The following ABCA9 variants were observed in gnomAD, a reference collection of about 807,000 sequenced individuals.
The protein encoded by ABCA9 is ATP-binding cassette sub-family A member 9.
ABCA9 carries 183 observed loss-of-function variants against 205.3 expected under a neutral mutation model. The observed-to-expected ratio is 0.89, with a 90% CI of 0.79 to 1.01. The LOEUF (loss-of-function observed/expected upper bound fraction) is 1.01. ABCA9 is among the 50% of genes least tolerant of loss of function. The probability of loss-of-function intolerance (pLI) is 0.00; values close to 1 mark genes in which losing one functional copy is unlikely to be tolerated. For missense variants in ABCA9, 1,805 were observed against 1,912.4 expected (o/e 0.94, Z 1.05); for synonymous variants, 651 against 683.3 (o/e 0.95, Z 0.74).
intron 2 of ABCA9, among the ~76,000 whole-genome samples, chr17:69,050,108 CT>C (rs1337537949): frequency 1.3e-5 from 2 of 151,776 alleles, no homozygotes; most frequent in Non-Finnish European, 2.9e-5. Flanking sequence ...TCATATGATC[CT>C]TTTTTAGCTA....
intron 28 of ABCA9, 26 bp from the exon 29 acceptor site, chr17:68,990,983 A>G (rs1302824917): frequency 1.9e-6 from 3 of 1,586,436 alleles, no homozygotes; most frequent in Non-Finnish European, 2.6e-6. Flanking sequence ...TGTGATAATG[A>G]TAAACTTCGG....
the ABCA9 span, among the ~76,000 whole-genome samples, chr17:69,070,058 A>G: frequency 1.3e-5 from 2 of 152,172 alleles, no homozygotes; most frequent in Non-Finnish European, 1.5e-5. Flanking sequence ...AAATAAATTC[A>G]ACTATCATTG....
chr17:68,979,011 A>T (rs907574167), intron 37 of ABCA9, among the ~76,000 whole-genome samples: 17 of 152,264 alleles, frequency 1.1e-4, no homozygotes, highest in African/African-American at 4.1e-4. Context: ...CTGTTTGCAG[A>T]TGACATGATT....
At chr17:69,050,780 A>G (rs1040713363) in intron 2 of ABCA9, among the ~76,000 whole-genome samples, 5 of 152,090 alleles carry the variant, frequency 3.3e-5, no homozygotes, top group Non-Finnish European at 2.9e-5. Flanking sequence ...TTTATTTTTC[A>G]AGGAGTTTCT....
chr17:69,022,093 G>GT (rs1339763504), intron 17 of ABCA9: 6 of 231,970 alleles, frequency 2.6e-5, no homozygotes, highest in Admixed American at 1.1e-4. Context: ...CTACCTATGT[G>GT]TTTTTTGAAA....
intron 26 of ABCA9, among the ~76,000 whole-genome samples, chr17:68,994,804 CTCACCTAT>C (rs2069563546): frequency 6.6e-6 from 1 of 152,184 alleles, no homozygotes; most frequent in South Asian, 2.1e-4. Context: ...GCTATTTTTT[CTCACCTAT>C]TCATGGACTT....
chr17:69,045,082 T>G, intron 4 of ABCA9, 90 bp downstream of exon 4: 1 of 1,030,100 alleles, frequency 9.7e-7, no homozygotes, highest in East Asian at 2.5e-5. Context: ...TTGTATATGT[T>G]TGTGTAGTTT....
intron 21 of ABCA9, among the ~76,000 whole-genome samples, chr17:69,016,945 T>C (rs1453563476): frequency 1.3e-5 from 2 of 152,126 alleles, no homozygotes; most frequent in Admixed American, 6.6e-5. Flanking sequence ...GTGGGCAAGC[T>C]TTGAGAACAC....
chr17:69,060,823 A>G (rs904582582), intron 1 of ABCA9, 43 bp downstream of exon 1: 2 of 973,870 alleles, frequency 2.1e-6, no homozygotes, highest in African/African-American at 3.5e-5. Context: ...CTTATGTTAT[A>G]TTTCTATATG....
chr17:69,027,657 G>A lies in ABCA9; in HGVS notation c.1774C>T (p.His592Tyr), dbSNP rs2071037542. 1.2e-6 allele frequency: 2 copies of A among 1,613,208 alleles called. No homozygotes were observed. Among genetic ancestry groups the A allele is most frequent in the Middle Eastern group, 3.3e-4 (2 of 6,054 alleles). ...LFAKIKGILP[H>Y]EVEKEVQRVV... ...TCACATACCTCTTTCTCCACTTCAT[G>A]TGGCAAAATCCCTTTTATTTTAGCA... Residue 592 changes from histidine (H) to tyrosine (Y), a missense_variant, in exon 13 of 39, where the codon CAT (histidine) becomes TAT (tyrosine). By Grantham distance (83) the His-to-Tyr change is moderately conservative. Transcript: ENST00000340001.
chr17:69,008,143 C>A lies in ABCA9; in HGVS notation c.3240G>T (p.Leu1080Phe), dbSNP rs781487357. 1.9e-6 allele frequency: 3 copies of A among 1,613,206 alleles called. No individual in the cohort carries two copies. The Admixed American group carries it at 5.0e-5, about 27-fold the overall frequency. ...QALVDVSLYF[L>F]ILLLMQIMDY... ...CCATTATTTGCATTAGCAGGAGGAT[C>A]AAAAAGTACAGGGAAACATCCACCA... The change falls in exon 24 of 39, where the codon TTG (leucine) becomes TTT (phenylalanine). Residue 1080 changes from leucine to phenylalanine, a missense_variant. By Grantham distance (22) the Leu-to-Phe change is conservative (BLOSUM62 0). Coordinates refer to ENST00000340001, the MANE Select transcript of ABCA9 (RefSeq NM_080283.4).
chr17:69,018,906 T>C (rs1279634454), intron 19 of ABCA9, among the ~76,000 whole-genome samples: 1 of 152,124 alleles, frequency 6.6e-6, no homozygotes, highest in Admixed American at 6.6e-5. Context: ...TCTGCACTAC[T>C]GAAATTGGCA....
At chr17:69,025,694 T>C (rs1285969368) in intron 16 of ABCA9, among the ~76,000 whole-genome samples, 5 of 152,174 alleles carry the variant, frequency 3.3e-5, no homozygotes, top group African/African-American at 1.2e-4. Flanking sequence ...TTAAAAAATA[T>C]CTACATTGCA....
rs375070739 is a variant in ABCA9 at position 69,049,347 on chromosome 17, A to G, written c.240T>C (p.Phe80=). 4.2e-5 allele frequency: 68 copies of G among 1,613,274 alleles called. No individual in the cohort carries two copies. Among genetic ancestry groups the G allele is most frequent in the Admixed American group, 6.7e-5 (4 of 59,884 alleles). The part of the protein sequence containing the change: ...SFNDTNYVIA[F]APESKTTQEI... ...CTTGGGTAGTTTTGGATTCAGGTGC[A>G]AATGCAATAACATAATTAGTATCAT... The change falls in exon 3 of 39, where the codon TTT becomes TTC. Residue 80 remains phenylalanine (F), a synonymous_variant. Transcript: ENST00000340001.
At chr17:69,050,733 G>C (rs1191702407) in intron 2 of ABCA9, among the ~76,000 whole-genome samples, 1 of 151,930 alleles carries the variant, frequency 6.6e-6, no homozygotes, top group Non-Finnish European at 1.5e-5. Flanking sequence ...GAGCTCAGCG[G>C]TTAAGAATTG....
intron 16 of ABCA9, among the ~76,000 whole-genome samples, chr17:69,025,772 C>T (rs1273595494): frequency 2.6e-5 from 4 of 152,066 alleles, no homozygotes; most frequent in Non-Finnish European, 5.9e-5. Flanking sequence ...ATTTACAAGT[C>T]GTGGAGATTG....
the ABCA9 span, among the ~76,000 whole-genome samples, chr17:69,067,004 C>T: frequency 6.6e-6 from 1 of 152,040 alleles, no homozygotes; most frequent in Non-Finnish European, 1.5e-5. Flanking sequence ...GCTATTGAAA[C>T]TGATAAATAG....
At chr17:69,000,653 A>G (rs1254450142) in intron 25 of ABCA9, among the ~76,000 whole-genome samples, 3 of 149,706 alleles carry the variant, frequency 2.0e-5, no homozygotes, top group Admixed American at 2.0e-4. Flanking sequence ...GTTTTTTCCA[A>G]TTCTGTGAAG....
intron 26 of ABCA9, among the ~76,000 whole-genome samples, chr17:68,995,514 T>G (rs752803699): frequency 5.3e-5 from 8 of 152,316 alleles, no homozygotes; most frequent in Admixed American, 3.3e-4. Context: ...AACCCCCATC[T>G]CCACACACCC....
Sources: allele counts gnomAD v4.1 joint callset (sites outside exome capture counted in the v4.1 genomes callset), GRCh38; gene constraint gnomAD v4.1.1; transcripts MANE v1.5; gene names NCBI Gene and HGNC (gene_info 2026-07-23, HGNC 2026-07-21).